MAP2: variants seen among roughly 807,000 people sequenced by gnomAD.
MAP2 encodes the protein microtubule-associated protein 2.
Under a neutral mutation model 137.6 loss-of-function variants are expected in MAP2, and 14 were observed. The ratio of observed to expected loss-of-function variants is 0.10; its 90% CI spans 0.07 to 0.16. The LOEUF is 0.16. Among genes scored for constraint, MAP2 ranks in the 10% least tolerant of loss-of-function variants. The pLI is 1.00. For missense variants in MAP2, 2,088 were observed against 2,191.5 expected, an observed-to-expected ratio of 0.95 and a Z score of 0.94; for synonymous variants, 786 against 782.3, an observed-to-expected ratio of 1.00 and a Z score of -0.08.
At chr2:209,572,284 C>T (rs1450818671) in intron 2 of MAP2, among the ~76,000 whole-genome samples, 1 of 152,054 alleles carries the variant, frequency 6.6e-6, no homozygotes, top group African/African-American at 2.4e-5. Flanking sequence ...ATTAATATCA[C>T]AGTGACTATG....
intron 1 of MAP2, among the ~76,000 whole-genome samples, chr2:209,475,142 T>C (rs1242307585): frequency 6.6e-6 from 1 of 152,102 alleles, no homozygotes; most frequent in Non-Finnish European, 1.5e-5. Flanking sequence ...TACAGTAAAG[T>C]AATTTGCTCC....
At chr2:209,678,931 A>C (rs1008680886) in intron 6 of MAP2, among the ~76,000 whole-genome samples, 1 of 152,070 alleles carries the variant, frequency 6.6e-6, no homozygotes, top group Admixed American at 6.6e-5. Flanking sequence ...AGTGGCCCTT[A>C]ATTTTTTCAT....
intron 5 of MAP2, among the ~76,000 whole-genome samples, chr2:209,666,990 T>C (rs138220430): frequency 3.3e-5 from 5 of 152,156 alleles, no homozygotes; most frequent in Admixed American, 2.6e-4. Context: ...AACTACAGTA[T>C]GTAAATAGAA....
chr2:209,674,038 G>A (rs1369839536), intron 5 of MAP2, among the ~76,000 whole-genome samples: 2 of 151,750 alleles, frequency 1.3e-5, no homozygotes, highest in Non-Finnish European at 1.5e-5. Flanking sequence ...TATGCATCCA[G>A]GAAACTGGGT....
intron 3 of MAP2, among the ~76,000 whole-genome samples, chr2:209,602,602 A>G (rs889628371): frequency 6.6e-6 from 1 of 152,184 alleles, no homozygotes; most frequent in Non-Finnish European, 1.5e-5. Flanking sequence ...AATATCCACT[A>G]CCAATAAAAA....
chr2:209,641,139 G>T (rs978708226), intron 4 of MAP2, among the ~76,000 whole-genome samples: 1 of 151,870 alleles, frequency 6.6e-6, no homozygotes, highest in South Asian at 2.1e-4. Flanking sequence ...TCAAACCCAA[G>T]GATCTTCACT....
At chr2:209,513,121 T>C (rs10173260) in intron 2 of MAP2, among the ~76,000 whole-genome samples, 80,920 of 151,908 alleles carry the variant, frequency 0.53, 22,583 homozygotes, top group Middle Eastern at 0.63. Flanking sequence ...TCTAATGAAA[T>C]AGGAAGTGGG....
intron 5 of MAP2, among the ~76,000 whole-genome samples, chr2:209,676,743 ATATAT>A (rs1178800244): frequency 5.0e-5 from 3 of 59,848 alleles, no homozygotes; most frequent in Non-Finnish European, 1.4e-4. Context: ...ATATATATAT[ATATAT>A]ATATATATAT....
chr2:209,645,602 T>C (rs1014951673), intron 4 of MAP2, among the ~76,000 whole-genome samples: 1 of 152,224 alleles, frequency 6.6e-6, no homozygotes, highest in African/African-American at 2.4e-5. Flanking sequence ...TGTACTTCAT[T>C]CGCTTTACAT....
At chr2:209,659,861 A>AC (rs1314375796) in intron 5 of MAP2, among the ~76,000 whole-genome samples, 1 of 151,790 alleles carries the variant, frequency 6.6e-6, no homozygotes, top group Non-Finnish European at 1.5e-5. Context: ...ACACTGTGAA[A>AC]CCCCGTCTCT....
intron 1 of MAP2, among the ~76,000 whole-genome samples, chr2:209,472,660 T>C (rs1314185723): frequency 1.3e-5 from 2 of 152,078 alleles, no homozygotes; most frequent in East Asian, 3.9e-4. Context: ...AAAGACCATT[T>C]GCCCCCTTAA....
chr2:209,509,308 A>G (rs2061452246), intron 2 of MAP2, among the ~76,000 whole-genome samples: 1 of 151,968 alleles, frequency 6.6e-6, no homozygotes, highest in African/African-American at 2.4e-5. Context: ...TTCCACATGG[A>G]GATTTCTGTT....
chr2:209,564,636 C>T (rs2073001148), intron 2 of MAP2, among the ~76,000 whole-genome samples: 1 of 151,048 alleles, frequency 6.6e-6, no homozygotes, highest in Non-Finnish European at 1.5e-5. Context: ...AGCCCCTTCC[C>T]CATAGATGGT....
chr2:209,635,548 A>G (rs1258708874), intron 4 of MAP2, among the ~76,000 whole-genome samples: 4 of 152,130 alleles, frequency 2.6e-5, no homozygotes, highest in African/African-American at 9.6e-5. Flanking sequence ...GTTTATTTGG[A>G]TGTTTATAAA....
intron 1 of MAP2, among the ~76,000 whole-genome samples, chr2:209,464,122 T>A (rs1703546638): frequency 6.6e-6 from 1 of 152,066 alleles, no homozygotes; most frequent in African/African-American, 2.4e-5. Context: ...CAGTAACAAG[T>A]CCAAAATTTG....
At chr2:209,434,900 A>C in intron 1 of MAP2, among the ~76,000 whole-genome samples, 2 of 136,960 alleles carry the variant, frequency 1.5e-5, no homozygotes, top group African/African-American at 2.7e-5. Context: ...TATATGTTAT[A>C]TATATATGTT....
chr2:209,476,013 T>A (rs145879419), intron 1 of MAP2, among the ~76,000 whole-genome samples: 1 of 152,188 alleles, frequency 6.6e-6, no homozygotes, highest in African/African-American at 2.4e-5. Context: ...AATGCTTTTT[T>A]AAATTTTAGA....
intron 1 of MAP2, among the ~76,000 whole-genome samples, chr2:209,456,541 G>A (rs917101770): frequency 6.6e-6 from 1 of 152,182 alleles, no homozygotes; most frequent in African/African-American, 2.4e-5. Flanking sequence ...TGTGATTAGG[G>A]AAAGCCTGCA....
At chr2:209,435,956 CA>C (rs1695907936) in intron 1 of MAP2, among the ~76,000 whole-genome samples, 1 of 138,228 alleles carries the variant, frequency 7.2e-6, no homozygotes, top group Non-Finnish European at 1.5e-5. Flanking sequence ...ACTATATATA[CA>C]GTATATATTA....
Sources: gnomAD v4.1 joint callset for allele counts (sites outside exome capture counted in the v4.1 genomes callset) on GRCh38, gnomAD v4.1.1 for gene constraint, MANE v1.5 for transcripts, NCBI Gene and HGNC (gene_info 2026-07-23, HGNC 2026-07-21) for gene names.